CAMTA1: variants seen among roughly 807,000 people sequenced by gnomAD.
CAMTA1 encodes the protein calmodulin binding transcription activator 1.
In CAMTA1, 27 loss-of-function variants were observed where a neutral mutation model predicts 170.9. The observed-to-expected ratio is 0.16, with a 90% confidence interval of 0.12 to 0.22. The LOEUF (loss-of-function observed/expected upper bound fraction) is 0.22. Among genes scored for constraint, CAMTA1 ranks in the 10% least tolerant of loss-of-function variants. The pLI is 1.00. For synonymous variants in CAMTA1, 833 were observed against 891.5 expected (o/e 0.93, Z 1.17); for missense variants, 1,619 against 2,217.2 (o/e 0.73, Z 5.42).
intron 3 of CAMTA1, chr1:6,853,071 C>A (rs1044487866): frequency 2.0e-5 from 3 of 152,128 alleles, no homozygotes; most frequent in Non-Finnish European, 4.4e-5. Context: ...GTTAATTACA[C>A]CAGACCTGCA....
intron 3 of CAMTA1, among the ~76,000 whole-genome samples, chr1:6,927,505 G>A (rs1449232937): frequency 6.6e-6 from 1 of 152,186 alleles, no homozygotes. Flanking sequence ...ACCAAATTAC[G>A]AATGGGATAT....
chr1:7,044,339 CG>C lies in CAMTA1; in HGVS notation c.235-46961del, dbSNP rs1325758544. 1.3e-5 allele frequency among the ~76,000 whole-genome samples: 2 copies of C among 151,654 alleles called. No homozygotes were observed. Among genetic ancestry groups the C allele is most frequent in the Non-Finnish European group, 1.5e-5 (1 of 67,882 alleles). ...CGCAGAGCAGTGCCGCTGGGGACCC[CG>C]GGGACTCAGAGCAGTGCCGCTGGGG... On this transcript the variant is annotated intron_variant, in intron 3 of 22. Coordinates refer to ENST00000303635, the MANE Select transcript of CAMTA1 (RefSeq NM_015215.4). The surrounding 1 kb of genome is among the most constrained non-coding windows in gnomAD (Gnocchi z 5.0).
intron 3 of CAMTA1, among the ~76,000 whole-genome samples, chr1:7,068,855 G>A (rs753333666): frequency 6.6e-6 from 1 of 152,048 alleles, no homozygotes; most frequent in Non-Finnish European, 1.5e-5. Context: ...AGCACTTACC[G>A]GGTGCTTTGG....
chr1:6,785,596 G>C (rs1638904581), intron 1 of CAMTA1, 21 bp downstream of exon 1: 12 of 1,015,620 alleles, frequency 1.2e-5, no homozygotes, highest in Non-Finnish European at 1.4e-5. Flanking sequence ...GAGCGCGAGG[G>C]GCTGGGGGGC....
intron 4 of CAMTA1, among the ~76,000 whole-genome samples, chr1:7,107,320 C>T (rs994459415): frequency 1.6e-5 from 2 of 128,792 alleles, no homozygotes; most frequent in African/African-American, 6.1e-5. Flanking sequence ...ACACACACAG[C>T]TGTGGGAGGA....
chr1:6,902,073 A>ACAC (rs772368106), intron 3 of CAMTA1, among the ~76,000 whole-genome samples: 1,792 of 78,284 alleles, frequency 0.023, 16 homozygotes, highest in African/African-American at 0.027. Context: ...ACACACACAC[A>ACAC]AAAAAAAAAA....
chr1:7,725,271 C>G (rs568820308), intron 11 of CAMTA1, among the ~76,000 whole-genome samples: 12 of 152,276 alleles, frequency 7.9e-5, no homozygotes, highest in African/African-American at 1.9e-4. Context: ...TAGAGAAACA[C>G]GAGAGGCGGA....
At chr1:6,928,279 C>T (rs142975516) in intron 3 of CAMTA1, among the ~76,000 whole-genome samples, 5 of 152,294 alleles carry the variant, frequency 3.3e-5, no homozygotes, top group Middle Eastern at 3.4e-3. Context: ...TGTTTTGGTG[C>T]GTACGTGCCC....
intron 8 of CAMTA1, 71 bp from the exon 9 acceptor site, chr1:7,663,282 T>C (rs2095976752): frequency 1.3e-6 from 2 of 1,489,486 alleles, no homozygotes; most frequent in Non-Finnish European, 1.8e-6. Flanking sequence ...TGACTCTCTT[T>C]TGTGTGTGCA....
chr1:7,070,086 G>A (rs1638421128), intron 3 of CAMTA1, among the ~76,000 whole-genome samples: 1 of 152,166 alleles, frequency 6.6e-6, no homozygotes, highest in Non-Finnish European at 1.5e-5. Context: ...TTGCTCTCTG[G>A]AGCAGGACGG....
rs1038580901 is a variant in CAMTA1, at chr1:6,998,229, C to T, written c.235-93075C>T. On this transcript the variant is annotated intron_variant, in intron 3 of 22. Coordinates refer to ENST00000303635, the MANE Select transcript of CAMTA1 (RefSeq NM_015215.4). ...AGTAGCTGGGACTACAGGTGCGTGC[C>T]GCCACATCCAGCTAATTTTTTTTTG... Among the ~76,000 whole-genome samples the T allele has an allele frequency of 4.6e-5, 7 of 152,036 alleles. 1 individual carries two copies. In the East Asian group the frequency reaches 5.8e-4, roughly 13 times the overall value.
At chr1:7,432,931 T>A (rs1193221) in intron 5 of CAMTA1, among the ~76,000 whole-genome samples, 1 of 152,070 alleles carries the variant, frequency 6.6e-6, no homozygotes, top group Non-Finnish European at 1.5e-5. Flanking sequence ...CCTGCCTTTC[T>A]TCGTGCATAG....
chr1:6,983,990 A>G (rs970622782), intron 3 of CAMTA1, among the ~76,000 whole-genome samples: 3 of 71,334 alleles, frequency 4.2e-5, no homozygotes, highest in Non-Finnish European at 8.4e-5. Context: ...GAGTGGATAG[A>G]TGGATGGATG....
rs867574372 is a variant in CAMTA1, at chr1:7,362,384, A to G, written c.439-105446A>G. Among the ~76,000 whole-genome samples the G allele has an allele frequency of 5.3e-5, 8 of 152,112 alleles. No individual in the cohort carries two copies. The South Asian group carries it at 1.7e-3, about 32-fold the overall frequency. On this transcript the variant is annotated intron_variant, in intron 5 of 22. Coordinates refer to ENST00000303635, the MANE Select transcript of CAMTA1 (RefSeq NM_015215.4). ...TGGTGGACTTGGATAGAGTTGGTGG[A>G]CTTGGGTACAGTTAGTAGACTTGGG...
In CAMTA1 at chr1:7,417,871, C is replaced by T. The variant is rs544860152; in HGVS notation, c.439-49959C>T. Reference sequence around the variant, plus strand: ...AATCACCCGTCTTCTGTGTCGCTCACGCTGGGAGCTATAGACCCGAGCTGT... The same window carrying T: ...AATCACCCGTCTTCTGTGTCGCTCATGCTGGGAGCTATAGACCCGAGCTGT... On this transcript the variant is annotated intron_variant, in intron 5 of 22. Coordinates refer to ENST00000303635, the MANE Select transcript of CAMTA1 (RefSeq NM_015215.4). Among the ~76,000 whole-genome samples the T allele has an allele frequency of 5.9e-5, 9 of 152,300 alleles. No homozygotes were observed. The South Asian group carries it at 8.3e-4, about 14-fold the overall frequency.
chr1:7,152,451 A>C (rs2148694898), intron 4 of CAMTA1, among the ~76,000 whole-genome samples: 1 of 152,216 alleles, frequency 6.6e-6, no homozygotes, highest in East Asian at 1.9e-4. Flanking sequence ...AGATGATGGT[A>C]CCTGCTGAGA....
chr1:7,653,700 C>CAATT (rs1251446496), intron 7 of CAMTA1, among the ~76,000 whole-genome samples: 5 of 151,356 alleles, frequency 3.3e-5, no homozygotes, highest in Non-Finnish European at 7.4e-5. Flanking sequence ...AATGATGAAC[C>CAATT]AATTAAAAAA....
chr1:7,525,181 C>G (rs1037094573), intron 6 of CAMTA1, among the ~76,000 whole-genome samples: 1 of 152,150 alleles, frequency 6.6e-6, no homozygotes, highest in African/African-American at 2.4e-5. Flanking sequence ...TTTTCCTTTT[C>G]CAGGAAATGT....
chr1:7,172,487 G>A (rs1163252113), intron 4 of CAMTA1, among the ~76,000 whole-genome samples: 1 of 148,894 alleles, frequency 6.7e-6, no homozygotes, highest in Non-Finnish European at 1.5e-5. Context: ...TTCTAGGGAG[G>A]TGAAGGTATG....
Sources: allele counts gnomAD v4.1 joint callset (sites outside exome capture counted in the v4.1 genomes callset), GRCh38; gene constraint gnomAD v4.1.1; non-coding constraint Gnocchi (gnomAD v3.1); transcripts MANE v1.5; gene names NCBI Gene and HGNC (gene_info 2026-07-23, HGNC 2026-07-21).